The following RRAS2 variants were observed in gnomAD, a reference collection of about 807,000 sequenced individuals.
The protein encoded by RRAS2 is RAS related 2, also known as ras-related protein R-Ras2.
Under a neutral mutation model 27.6 loss-of-function variants are expected in RRAS2, and 7 were observed. The ratio of observed to expected loss-of-function variants is 0.25; its 90% CI spans 0.14 to 0.48. RRAS2 has a LOEUF of 0.48. RRAS2 is among the 20% of genes least tolerant of loss of function. The pLI, the probability that RRAS2 is intolerant of heterozygous loss-of-function variation, is 0.99. For synonymous variants in RRAS2, 86 were observed against 90.9 expected, an observed-to-expected ratio of 0.95 and a Z score of 0.31; for missense variants, 178 against 256.2, an observed-to-expected ratio of 0.69 and a Z score of 2.08.
rs1185862206 is a variant in RRAS2, at chr11:14,358,961, TG to T, written c.-92del. 24 of 1,161,576 alleles carry T rather than the reference TG, an allele frequency of 2.1e-5. 2 individuals are homozygous for T. The African/African-American group carries it at 3.1e-4, about 15-fold the overall frequency. The allele number at this position is 1,161,576 out of a possible 1,614,324, so 72.0% of individuals were successfully genotyped here. ...CCGGGGACGTGTGCGGCCGGCGGGC[TG>T]CGGGCGAGCGGCCGGGCTGGGGTCC... is the stretch of plus-strand genomic sequence containing the variant. On this transcript the variant is annotated 5_prime_UTR_variant, in exon 1 of 6. Coordinates refer to ENST00000256196, the MANE Select transcript of RRAS2 (RefSeq NM_012250.6). The surrounding 1 kb of genome is among the most constrained non-coding windows in gnomAD (Gnocchi z 5.1).
intron 1 of RRAS2, among the ~76,000 whole-genome samples, chr11:14,303,900 A>G (rs574484325): frequency 6.6e-6 from 1 of 152,306 alleles, no homozygotes; most frequent in South Asian, 2.1e-4. Flanking sequence ...AGGGCCCTCC[A>G]TACTCAATTC....
At chr11:14,307,281 A>C (rs1279327488) in intron 1 of RRAS2, among the ~76,000 whole-genome samples, 1 of 152,110 alleles carries the variant, frequency 6.6e-6, no homozygotes, top group Non-Finnish European at 1.5e-5. Flanking sequence ...AACTGCTACC[A>C]ATACACTCAT....
At chr11:14,282,881 T>A (rs1033561023) in intron 4 of RRAS2, among the ~76,000 whole-genome samples, 5 of 152,216 alleles carry the variant, frequency 3.3e-5, no homozygotes, top group Non-Finnish European at 5.9e-5. Context: ...TAAAGACAAT[T>A]TTATTTCTTG....
At chr11:14,325,788 C>T (rs1304527257) in intron 1 of RRAS2, among the ~76,000 whole-genome samples, 2 of 152,122 alleles carry the variant, frequency 1.3e-5, no homozygotes, top group Admixed American at 6.5e-5. Flanking sequence ...ATTTAACACA[C>T]ATTTTTTAAG....
chr11:14,356,644 G>A, intron 1 of RRAS2: 1 of 352,064 alleles, frequency 2.8e-6, no homozygotes, highest in Non-Finnish European at 5.5e-6. Flanking sequence ...AAGACTCAAG[G>A]TTCATACTCT....
At chr11:14,322,394 A>G (rs1397527190) in intron 1 of RRAS2, among the ~76,000 whole-genome samples, 1 of 151,958 alleles carries the variant, frequency 6.6e-6, no homozygotes, top group Non-Finnish European at 1.5e-5. Flanking sequence ...GAGCTGAGAC[A>G]GCGTCACTGC....
At chr11:14,348,694 T>C (rs1848887689) in intron 1 of RRAS2, among the ~76,000 whole-genome samples, 1 of 152,246 alleles carries the variant, frequency 6.6e-6, no homozygotes, top group Non-Finnish European at 1.5e-5. Flanking sequence ...TTTTACCTTT[T>C]TGAGCACTCC....
At chr11:14,356,865 A>T in intron 1 of RRAS2, 1 of 401,784 alleles carries the variant, frequency 2.5e-6, no homozygotes. Context: ...TCGGCTCACT[A>T]CAATCTCCGC....
chr11:14,339,293 A>C (rs141485225), intron 1 of RRAS2, among the ~76,000 whole-genome samples: 2 of 63,930 alleles, frequency 3.1e-5, no homozygotes, highest in Non-Finnish European at 5.7e-5. Context: ...AAAAAAAAAA[A>C]GGGGGGGGGG....
chr11:14,283,853 T>C (rs1849603009), intron 4 of RRAS2, among the ~76,000 whole-genome samples: 1 of 151,934 alleles, frequency 6.6e-6, no homozygotes, highest in Non-Finnish European at 1.5e-5. Flanking sequence ...CAGTTTAGGG[T>C]TTTTATTTTT....
At chr11:14,327,938 G>C (rs1554951263) in intron 1 of RRAS2, among the ~76,000 whole-genome samples, 1 of 152,098 alleles carries the variant, frequency 6.6e-6, no homozygotes, top group African/African-American at 2.4e-5. Flanking sequence ...AAAACACAAA[G>C]AAGCCAAACT....
At chr11:14,342,029 C>A in intron 1 of RRAS2, 2 of 738,552 alleles carry the variant, frequency 2.7e-6, no homozygotes, top group Non-Finnish European at 3.5e-6. Flanking sequence ...CAGCTCTATA[C>A]TAGCTTTTAT....
In RRAS2 at chr11:14,358,796, C is replaced by T; in HGVS notation, c.75G>A (p.Val25=). 1.3e-6 allele frequency: 2 copies of T among 1,487,548 alleles called. No homozygotes were observed. The highest frequency in any genetic ancestry group is 1.8e-6 in the Non-Finnish European group (2 of 1,112,268). 92.1% of individuals were successfully genotyped at this position (1,487,548 alleles called of 1,614,324 possible). A position where few individuals can be genotyped will look rare whatever the true frequency, so the allele number is the denominator to read the frequency against. Reference sequence around the variant, plus strand: ...ACTGGATGGTGAGCGCCGACTTGCCCACGCCGCCCCCGCCGACCACCACGA... The same window carrying T: ...ACTGGATGGTGAGCGCCGACTTGCCTACGCCGCCCCCGCCGACCACCACGA... ...YRLVVVGGGG[V]GKSALTIQFI... is the part of the protein sequence containing the mutation. The change falls in exon 1 of 6, where the codon GTG becomes GTA. Residue 25 remains valine, a synonymous_variant. Transcript: ENST00000256196. The surrounding 1 kb of genome is among the most constrained non-coding windows in gnomAD (Gnocchi z 5.1).
At chr11:14,350,906 C>G (rs529028909) in intron 1 of RRAS2, among the ~76,000 whole-genome samples, 2 of 152,270 alleles carry the variant, frequency 1.3e-5, no homozygotes, top group African/African-American at 4.8e-5. Flanking sequence ...GTCTTTTTCA[C>G]AGGTGCATAA....
intron 1 of RRAS2, among the ~76,000 whole-genome samples, chr11:14,315,043 A>T (rs1284137194): frequency 6.6e-6 from 1 of 152,262 alleles, no homozygotes; most frequent in African/African-American, 2.4e-5. Context: ...TATAAAAAGC[A>T]AAAGTCTCAC....
chr11:14,338,061 T>C (rs993753211), intron 1 of RRAS2, among the ~76,000 whole-genome samples: 1 of 152,130 alleles, frequency 6.6e-6, no homozygotes, highest in Admixed American at 6.6e-5. Flanking sequence ...AAAATGTATA[T>C]AGTGAGAATA....
intron 1 of RRAS2, among the ~76,000 whole-genome samples, chr11:14,351,564 TAAAAATAC>T (rs1848952876): frequency 6.6e-6 from 1 of 152,004 alleles, no homozygotes; most frequent in Non-Finnish European, 1.5e-5. Flanking sequence ...CCGTCTCTAC[TAAAAATAC>T]AAAAATTAGT....
Position 14,333,103 on chromosome 11 carries a change from G to A in RRAS2, c.108+25660C>T, listed in dbSNP as rs536340845. Reference sequence around the variant, plus strand: ...AACACAAAAAGTATTTTTTCTTCAGGTAAATCATAGTATAAGCAACTTATG... The same window carrying A: ...AACACAAAAAGTATTTTTTCTTCAGATAAATCATAGTATAAGCAACTTATG... On this transcript the variant is annotated intron_variant, in intron 1 of 5. Coordinates refer to ENST00000256196, the MANE Select transcript of RRAS2 (RefSeq NM_012250.6). 3.9e-5 allele frequency among the ~76,000 whole-genome samples: 6 copies of A among 151,900 alleles called. No individual in the cohort carries two copies. The East Asian group carries it at 1.2e-3, about 29-fold the overall frequency.
intron 1 of RRAS2, among the ~76,000 whole-genome samples, chr11:14,298,837 T>G (rs1235819741): frequency 1.4e-4 from 21 of 152,174 alleles, no homozygotes; most frequent in African/African-American, 4.8e-4. Context: ...AGAATATCCC[T>G]AAGAGCATTC....
Sources: allele counts gnomAD v4.1 joint callset (sites outside exome capture counted in the v4.1 genomes callset), GRCh38; gene constraint gnomAD v4.1.1; non-coding constraint Gnocchi (gnomAD v3.1); transcripts MANE v1.5; gene names NCBI Gene and HGNC (gene_info 2026-07-23, HGNC 2026-07-21).